The following RSF1 variants were observed in gnomAD, a reference collection of about 807,000 sequenced individuals.
The protein encoded by RSF1 is HBV pX-associated protein 8.
Under a neutral mutation model 145.2 loss-of-function variants are expected in RSF1, and 13 were observed. The observed-to-expected ratio is 0.09, with a 90% CI of 0.06 to 0.14. The LOEUF (loss-of-function observed/expected upper bound fraction) is 0.14, where lower values mean the gene tolerates loss of function less well. Among genes scored for constraint, RSF1 ranks in the 10% least tolerant of loss-of-function variants. The pLI, the probability that RSF1 is intolerant of heterozygous loss-of-function variation, is 1.00. For synonymous variants in RSF1, 577 were observed against 592.6 expected, an observed-to-expected ratio of 0.97 and a Z score of 0.38; for missense variants, 1,517 against 1,718.2, an observed-to-expected ratio of 0.88 and a Z score of 2.07.
At chr11:77,727,371 C>T (rs1288738343) in intron 4 of RSF1, among the ~76,000 whole-genome samples, 1 of 151,592 alleles carries the variant, frequency 6.6e-6, no homozygotes, top group Non-Finnish European at 1.5e-5. Flanking sequence ...ATGGTGGGAA[C>T]TGAAGAGTAT....
At position 77,701,376 on chromosome 11, in the gene RSF1, T is replaced by C. The variant is rs1349398652; in HGVS notation, c.1853A>G (p.Glu618Gly). The part of the protein sequence containing the change: ...EEVPKSTLES[E>G]KPGSPEAAET... ...AGCTGCCTCAGGAGAGCCAGGCTTT[T>C]CTGACTCTAGAGTACTCTTTGGAAC... is the stretch of plus-strand genomic sequence containing the variant. The change falls in exon 6 of 16, where the codon GAA becomes GGA. Residue 618 changes from glutamate (E) to glycine (G), a missense_variant. Coordinates refer to ENST00000308488, the MANE Select transcript of RSF1 (RefSeq NM_016578.4). 6.2e-7 allele frequency: 1 copy of C among 1,614,056 alleles called. No individual in the cohort carries two copies. Among genetic ancestry groups the C allele is most frequent in the Non-Finnish European group, 8.5e-7 (1 of 1,180,016 alleles).
intron 4 of RSF1, chr11:77,739,372 CAGT>C (rs1299374030): frequency 2.6e-5 from 4 of 152,376 alleles, no homozygotes; most frequent in South Asian, 2.1e-4. Context: ...ATAACAGAAA[CAGT>C]GGTATAATGT....
At chr11:77,672,284 T>C (rs1959575634) in intron 14 of RSF1, 54 bp from the exon 15 acceptor site, 4 of 1,385,918 alleles carry the variant, frequency 2.9e-6, no homozygotes, top group East Asian at 2.3e-5. Flanking sequence ...TTTAGAAATG[T>C]AGCTTAGGTT....
At chr11:77,869,946 G>T in the RSF1 span, 1 of 788,286 alleles carries the variant, frequency 1.3e-6, no homozygotes, top group East Asian at 2.6e-5. Flanking sequence ...ACCCAGGATA[G>T]CAGTGGCTGC....
At chr11:77,822,654 A>G (rs1488643645), upstream of RSF1, among the ~76,000 whole-genome samples, 2 of 152,176 alleles carry the variant, frequency 1.3e-5, no homozygotes, top group Non-Finnish European at 2.9e-5. Context: ...ATTTATCAAG[A>G]GAAAAATTCT....
chr11:77,871,904 A>G, the RSF1 span, among the ~76,000 whole-genome samples: 1 of 152,224 alleles, frequency 6.6e-6, no homozygotes, highest in East Asian at 1.9e-4. Flanking sequence ...AGTGCTAGTA[A>G]GGATGTAAAT....
At chr11:77,811,544 T>C (rs1948731496) in intron 1 of RSF1, among the ~76,000 whole-genome samples, 1 of 152,182 alleles carries the variant, frequency 6.6e-6, no homozygotes, top group African/African-American at 2.4e-5. Context: ...GAGCATTTGA[T>C]GCTTAAAGAG....
intron 4 of RSF1, among the ~76,000 whole-genome samples, chr11:77,736,758 A>G (rs530042049): frequency 3.3e-5 from 5 of 152,218 alleles, no homozygotes; most frequent in Non-Finnish European, 7.4e-5. Context: ...AAATACGCAT[A>G]TAATATTCAC....
intron 3 of RSF1, among the ~76,000 whole-genome samples, 157 bp from the exon 4 acceptor site, chr11:77,741,093 C>T (rs1446516866): frequency 6.6e-6 from 1 of 152,212 alleles, no homozygotes; most frequent in African/African-American, 2.4e-5. Flanking sequence ...TTCATACAAA[C>T]TGTTTAGAAT....
rs112115163 is a variant in RSF1 at position 77,684,988 on chromosome 11, G to GAAATAAATAAATAAAT, written c.2955+101_2955+116dup. The GAAATAAATAAATAAAT allele has an allele frequency of 1.5e-3, 698 of 459,590 alleles. 3 individuals carry two copies. Among genetic ancestry groups the GAAATAAATAAATAAAT allele is most frequent in the African/African-American group, 0.013 (591 of 45,896 alleles). The allele number at this position is 459,590 out of a possible 1,614,324, so 28.5% of individuals were successfully genotyped here. On this transcript the variant is annotated intron_variant, in intron 10 of 15. Coordinates refer to ENST00000308488, the MANE Select transcript of RSF1 (RefSeq NM_016578.4). ...GGCAACAAGAACGAAACTCCATCTC[G>GAAATAAATAAATAAAT]AAATAAATAAATAAATAAATAAATA...
the RSF1 span, among the ~76,000 whole-genome samples, chr11:77,840,076 AG>A: frequency 7.2e-6 from 1 of 139,634 alleles, no homozygotes; most frequent in Admixed American, 7.4e-5. Context: ...GTAATATTAG[AG>A]TATGGAGAGG....
chr11:77,765,954 G>A lies in RSF1; in HGVS notation c.188-1265C>T, dbSNP rs564404328. ...GTAGAGACAGGGTTTCACCACGTTG[G>A]CCAGGCTTGTCTGGAACTCCTGATC... is the stretch of plus-strand genomic sequence containing the variant. On this transcript the variant is annotated intron_variant, in intron 1 of 15. Transcript: ENST00000308488. 1.1e-4 allele frequency among the ~76,000 whole-genome samples: 16 copies of A among 152,160 alleles called. 1 individual carries two copies. The South Asian group carries it at 3.3e-3, about 32-fold the overall frequency.
the RSF1 span, among the ~76,000 whole-genome samples, chr11:77,855,758 G>C: frequency 2.7e-3 from 398 of 144,752 alleles, 5 homozygotes; most frequent in African/African-American, 9.9e-3. Flanking sequence ...ATGAGCATAG[G>C]CTGCTAGAGG....
At position 77,820,721 on chromosome 11, in the gene RSF1, C is replaced by G. The variant is rs576214470; in HGVS notation, c.-7G>C. On this transcript the variant is annotated 5_prime_UTR_variant, in exon 1 of 16. Transcript: ENST00000308488. ...CTGCCGCCGCCGTCGCCATTTTGAA[C>G]TGGAGGATGGAGGAGGAGGCGATGG... 3.9e-6 allele frequency: 6 copies of G among 1,546,968 alleles called. No homozygotes were observed. Among genetic ancestry groups the G allele is most frequent in the Non-Finnish European group, 5.2e-6 (6 of 1,146,152 alleles).
intron 1 of RSF1, among the ~76,000 whole-genome samples, chr11:77,806,647 C>T (rs906626852): frequency 6.6e-6 from 1 of 151,738 alleles, no homozygotes; most frequent in Non-Finnish European, 1.5e-5. Context: ...CACCACTGCA[C>T]TGCAGTCTGG....
intron 5 of RSF1, among the ~76,000 whole-genome samples, chr11:77,725,066 G>C (rs1961021996): frequency 6.6e-6 from 1 of 152,170 alleles, no homozygotes; most frequent in African/African-American, 2.4e-5. Flanking sequence ...GAGATGCCAG[G>C]GGCTGAGGGG....
intron 4 of RSF1, among the ~76,000 whole-genome samples, chr11:77,735,205 C>T (rs1198343785): frequency 6.6e-6 from 1 of 152,136 alleles, no homozygotes; most frequent in East Asian, 1.9e-4. Flanking sequence ...AAGCAGGAAA[C>T]CCCGACGACT....
chr11:77,790,850 C>T (rs746973377), intron 1 of RSF1, among the ~76,000 whole-genome samples: 54 of 152,322 alleles, frequency 3.5e-4, no homozygotes, highest in South Asian at 2.1e-3. Flanking sequence ...TGGGCAGCTC[C>T]GCCCCTGTGG....
At chr11:77,759,794 T>C (rs1453585208) in intron 2 of RSF1, among the ~76,000 whole-genome samples, 1 of 151,786 alleles carries the variant, frequency 6.6e-6, no homozygotes, top group African/African-American at 2.4e-5. Context: ...CTATGTGACT[T>C]TGGGAGTAAT....
Sources: gnomAD v4.1 joint callset for allele counts (sites outside exome capture counted in the v4.1 genomes callset) on GRCh38, gnomAD v4.1.1 for gene constraint, MANE v1.5 for transcripts, NCBI Gene and HGNC (gene_info 2026-07-23, HGNC 2026-07-21) for gene names.